Variants in MYO1E observed in about 807,000 individuals in gnomAD.
MYO1E encodes the protein unconventional myosin-Ie.
MYO1E carries 68 observed loss-of-function variants against 151.1 expected under a neutral mutation model. The ratio of observed to expected loss-of-function variants is 0.45; its 90% CI spans 0.37 to 0.55. The LOEUF (loss-of-function observed/expected upper bound fraction) is 0.55. Ranked by LOEUF, MYO1E falls within the 20% of genes least tolerant of loss-of-function variation. MYO1E has a pLI of 0.00. For synonymous variants in MYO1E, 601 were observed against 501.7 expected, an observed-to-expected ratio of 1.20 and a Z score of -2.64; for missense variants, 1,363 against 1,389.3, an observed-to-expected ratio of 0.98 and a Z score of 0.30.
intron 1 of MYO1E, among the ~76,000 whole-genome samples, chr15:59,309,863 T>C (rs1438173710): frequency 6.6e-6 from 1 of 152,180 alleles, no homozygotes. Flanking sequence ...TATATACTGA[T>C]AGGGATTATA....
At chr15:59,287,993 G>A (rs145298897) in intron 1 of MYO1E, among the ~76,000 whole-genome samples, 191 of 152,318 alleles carry the variant, frequency 1.3e-3, no homozygotes, top group Admixed American at 3.5e-3. Context: ...CAGCGAAGGC[G>A]CTCAGCGAGC....
intron 14 of MYO1E, chr15:59,206,703 A>G: frequency 1.9e-6 from 1 of 536,336 alleles, no homozygotes; most frequent in South Asian, 2.9e-5. Flanking sequence ...TAGCAAAACT[A>G]ACTCCAGAAA....
chr15:59,320,380 A>C (rs1288939448), intron 1 of MYO1E, among the ~76,000 whole-genome samples: 1 of 152,236 alleles, frequency 6.6e-6, no homozygotes, highest in Non-Finnish European at 1.5e-5. Context: ...CTAAGCAAAA[A>C]AGAATAAAGC....
At chr15:59,341,073 AAATTC>A (rs2080762652) in intron 1 of MYO1E, among the ~76,000 whole-genome samples, 1 of 152,020 alleles carries the variant, frequency 6.6e-6, no homozygotes, top group Non-Finnish European at 1.5e-5. Flanking sequence ...AAAGAACATA[AAATTC>A]ATTTTAATTT....
chr15:59,291,743 A>G (rs764988199), intron 1 of MYO1E, among the ~76,000 whole-genome samples: 3 of 151,042 alleles, frequency 2.0e-5, no homozygotes, highest in Non-Finnish European at 2.9e-5. Context: ...AAAGATTAAC[A>G]AAAAGAGAAA....
At chr15:59,163,656 T>C (rs901849868) in intron 22 of MYO1E, among the ~76,000 whole-genome samples, 1 of 152,158 alleles carries the variant, frequency 6.6e-6, no homozygotes, top group African/African-American at 2.4e-5. Flanking sequence ...AAGTTATGAA[T>C]AGAATGCAGT....
chr15:59,314,880 A>C (rs1286215683), intron 1 of MYO1E, among the ~76,000 whole-genome samples: 7 of 152,138 alleles, frequency 4.6e-5, no homozygotes, highest in South Asian at 4.1e-4. Flanking sequence ...GGCAGCTTCC[A>C]TCTAGCTCCA....
intron 14 of MYO1E, chr15:59,207,918 T>C (rs61753957): frequency 0.065 from 104,400 of 1,613,942 alleles, 4,140 homozygotes; most frequent in African/African-American, 0.18. Flanking sequence ...CCACCATAAT[T>C]AAGGGCCTCT....
chr15:59,141,958 T>G (rs749056869), intron 26 of MYO1E, among the ~76,000 whole-genome samples: 1 of 147,036 alleles, frequency 6.8e-6, no homozygotes, highest in Non-Finnish European at 1.5e-5. Context: ...ATACAAAAAA[T>G]TAGCCGGGCG....
chr15:59,175,529 A>AG (rs2079619427), intron 19 of MYO1E, among the ~76,000 whole-genome samples: 1 of 152,134 alleles, frequency 6.6e-6, no homozygotes, highest in South Asian at 2.1e-4. Context: ...ACACCAGGGG[A>AG]GGGACCACGT....
intron 17 of MYO1E, among the ~76,000 whole-genome samples, chr15:59,194,638 G>A (rs188394759): frequency 6.6e-6 from 1 of 152,310 alleles, no homozygotes; most frequent in East Asian, 1.9e-4. Context: ...CTGATACTAG[G>A]TGACGATGGC....
intron 4 of MYO1E, among the ~76,000 whole-genome samples, chr15:59,250,881 G>A (rs759729842): frequency 6.6e-5 from 10 of 152,162 alleles, no homozygotes; most frequent in Non-Finnish European, 1.0e-4. Context: ...GATCTGAAGT[G>A]GGCATCATCC....
intron 21 of MYO1E, among the ~76,000 whole-genome samples, chr15:59,173,241 G>A (rs1187124755): frequency 6.6e-6 from 1 of 152,154 alleles, no homozygotes; most frequent in African/African-American, 2.4e-5. Flanking sequence ...AAAAATATTA[G>A]GAGACAGATA....
intron 26 of MYO1E, among the ~76,000 whole-genome samples, chr15:59,151,418 G>C (rs1430054531): frequency 6.6e-6 from 1 of 151,690 alleles, no homozygotes; most frequent in African/African-American, 2.4e-5. Flanking sequence ...AACAGAACAA[G>C]ACTCCATCTC....
intron 1 of MYO1E, among the ~76,000 whole-genome samples, chr15:59,328,658 C>A (rs957524105): frequency 6.6e-6 from 1 of 152,158 alleles, no homozygotes; most frequent in Non-Finnish European, 1.5e-5. Flanking sequence ...ATGTTTTGAT[C>A]AACCTGCTAC....
chr15:59,266,471 T>C (rs1473603370), intron 2 of MYO1E, among the ~76,000 whole-genome samples: 8 of 152,220 alleles, frequency 5.3e-5, no homozygotes, highest in East Asian at 3.8e-4. Flanking sequence ...TCAGTTTTCA[T>C]TGACCTGCAG....
At chr15:59,277,198 G>A (rs1207823813) in intron 1 of MYO1E, among the ~76,000 whole-genome samples, 2 of 151,978 alleles carry the variant, frequency 1.3e-5, no homozygotes, top group Admixed American at 1.3e-4. Context: ...TTTAGAAATC[G>A]GTATTGAAAT....
At chr15:59,156,687 T>TG (rs1488683687) in intron 25 of MYO1E, among the ~76,000 whole-genome samples, 15 of 152,356 alleles carry the variant, frequency 9.8e-5, no homozygotes, top group Admixed American at 8.5e-4. Flanking sequence ...TTCTCTTGGC[T>TG]GGGAAGACTG....
chr15:59,350,958 G>A lies in MYO1E; in HGVS notation c.3+21540C>T, dbSNP rs569780119. Among the ~76,000 whole-genome samples, 171 of 152,296 alleles carry A rather than the reference G, an allele frequency of 1.1e-3. No individual in the cohort carries two copies. Among genetic ancestry groups the A allele is most frequent in the Non-Finnish European group, 2.2e-3 (148 of 68,012 alleles). ...GTCACCCAGGCTGGCGTGCAGTGGC[G>A]CGATCTCGGCTCAATGCAAGCTCCG... is the stretch of plus-strand genomic sequence containing the variant. On this transcript the variant is annotated intron_variant, in intron 1 of 27. Transcript: ENST00000288235. This position sits in a 1 kb window ranked among gnomAD's most constrained non-coding sequence, Gnocchi z 5.0.
Sources: gnomAD v4.1 joint callset for allele counts (sites outside exome capture counted in the v4.1 genomes callset) on GRCh38, gnomAD v4.1.1 for gene constraint, Gnocchi (gnomAD v3.1) non-coding constraint, MANE v1.5 for transcripts, NCBI Gene and HGNC (gene_info 2026-07-23, HGNC 2026-07-21) for gene names.